PABPN1L: variants seen among roughly 807,000 people sequenced by gnomAD.
PABPN1L encodes the protein PABPN1 like, cytoplasmic.
A neutral mutation model predicts 34.0 loss-of-function variants in PABPN1L; 45 were observed. The observed-to-expected ratio is 1.32, with a 90% CI of 1.04 to 1.70. The LOEUF (loss-of-function observed/expected upper bound fraction) is 1.70, where lower values mean the gene tolerates loss of function less well. Among genes scored for constraint, PABPN1L ranks in the 40% most tolerant of loss-of-function variants. PABPN1L has a pLI of 0.00. For synonymous variants in PABPN1L, 182 were observed against 152.1 expected (o/e 1.20, Z -1.45); for missense variants, 459 against 367.8 (o/e 1.25, Z -2.03).
intron 3 of PABPN1L, 48 bp downstream of exon 3, chr16:88,865,515 G>A (rs1567564269): frequency 1.3e-6 from 2 of 1,584,390 alleles, no homozygotes. Context: ...CTCTGGTAGA[G>A]ATGGGGCCCC....
At chr16:88,864,249 TGTG>T in exon 6 of PABPN1L, 3 of 1,535,608 alleles carry the variant, frequency 2.0e-6, no homozygotes, top group Non-Finnish European at 2.6e-6. Flanking sequence ...GTTCTGCCCT[TGTG>T]GTCTGAGCCG....
chr16:88,868,053 C>T (rs139383083), upstream of PABPN1L, among the ~76,000 whole-genome samples: 5 of 152,176 alleles, frequency 3.3e-5, no homozygotes, highest in Non-Finnish European at 7.4e-5. Flanking sequence ...CACTGCTGCA[C>T]CATGCACCAC....
At position 88,864,954 on chromosome 16, in the gene PABPN1L, C is replaced by CGGGG. The variant is rs1567563963; in HGVS notation, c.567-15_567-14insCCCC. 6 of 996,814 alleles carry CGGGG rather than the reference C, an allele frequency of 6.0e-6. No homozygotes were observed. In the East Asian group the frequency reaches 1.1e-4, roughly 18 times the overall value. 61.7% of individuals were successfully genotyped at this position (996,814 alleles called of 1,614,324 possible). On this transcript the variant is annotated splice_polypyrimidine_tract_variant and intron_variant, in intron 4 of 6. Coordinates refer to ENST00000419291, the Ensembl canonical transcript of PABPN1L. ...ATGTAGGCATAACTGAGGGGAGGGG[C>CGGGG]AGGGAGGGGAGGGGTGAGGCTGGGC...
chr16:88,864,434 A>C, intron 5 of PABPN1L, 55 bp from the exon 6 acceptor site: 1 of 1,507,330 alleles, frequency 6.6e-7, no homozygotes, highest in Non-Finnish European at 8.9e-7. Context: ...GACCCAGCTC[A>C]CAGCCCCCGC....
chr16:88,864,805 C>A (rs1265125634), intron 5 of PABPN1L, 48 bp downstream of exon 5: 1 of 1,526,106 alleles, frequency 6.6e-7, no homozygotes, highest in South Asian at 1.2e-5. Flanking sequence ...GGCCAGTGGG[C>A]CAGCCCCTCT....
At chr16:88,867,030 T>G (rs1251508999), upstream of PABPN1L, among the ~76,000 whole-genome samples, 1 of 152,096 alleles carries the variant, frequency 6.6e-6, no homozygotes, top group African/African-American at 2.4e-5. Context: ...CCAAGCAGGC[T>G]GGAGAGGTGG....
intron 1 of PABPN1L, 139 bp from the exon 2 acceptor site, chr16:88,866,080 G>A: frequency 2.9e-6 from 4 of 1,366,596 alleles, no homozygotes; most frequent in Non-Finnish European, 2.9e-6. Flanking sequence ...CTCCTTCCTG[G>A]GGCAGCTGGC....
At chr16:88,866,027 A>C in intron 1 of PABPN1L, 86 bp from the exon 2 acceptor site, 2 of 1,468,400 alleles carry the variant, frequency 1.4e-6, no homozygotes, top group Non-Finnish European at 1.8e-6. Flanking sequence ...GCTCCAGCAG[A>C]GGGTCACAGC....
At position 88,865,945 on chromosome 16, in the gene PABPN1L, C is replaced by T. The variant is rs759387263; in HGVS notation, c.256-4G>A. ...TCATCTTGATGGCCTCCAGCTCCTG[C>T]CGACACACGGCCCTGAGCCGGGCAG... On this transcript the variant is annotated splice_region_variant and splice_polypyrimidine_tract_variant and intron_variant, in intron 1 of 6. Coordinates refer to ENST00000419291, the Ensembl canonical transcript of PABPN1L. 6.7e-5 allele frequency: 108 copies of T among 1,604,972 alleles called. No homozygotes were observed. The Middle Eastern group carries it at 3.0e-3, about 44-fold the overall frequency.
upstream of PABPN1L, among the ~76,000 whole-genome samples, chr16:88,868,002 G>C (rs999131593): frequency 6.6e-6 from 1 of 152,328 alleles, no homozygotes; most frequent in Middle Eastern, 3.4e-3. Context: ...TTTGGGACTG[G>C]GGGAGGAGAG....
exon 6 of PABPN1L, chr16:88,864,333 C>T (rs1273745653): frequency 1.5e-5 from 23 of 1,555,404 alleles, no homozygotes; most frequent in South Asian, 1.1e-4. Context: ...AAGGCCCCCG[C>T]GGTCTGTGGA....
intron 5 of PABPN1L, 73 bp downstream of exon 5, chr16:88,864,780 T>C (rs1968546900): frequency 1.4e-6 from 2 of 1,444,932 alleles, no homozygotes; most frequent in Non-Finnish European, 1.9e-6. Context: ...CAGCTGGGGC[T>C]GCTGTGTGTC....
upstream of PABPN1L, among the ~76,000 whole-genome samples, chr16:88,869,539 C>A (rs1022831383): frequency 3.9e-5 from 6 of 152,320 alleles, no homozygotes; most frequent in Middle Eastern, 3.4e-3. Flanking sequence ...GCGCCCACAT[C>A]TGCACCGAGG....
chr16:88,866,701 T>C, upstream of PABPN1L: 2 of 1,421,106 alleles, frequency 1.4e-6, no homozygotes, highest in Admixed American at 2.8e-5. Flanking sequence ...TTTTAAGCCC[T>C]CCCCTGAGGC....
chr16:88,865,947 G>A lies in PABPN1L; in HGVS notation c.256-6C>T, dbSNP rs752427749. 27 of 1,604,454 alleles carry A rather than the reference G, an allele frequency of 1.7e-5. No homozygotes were observed. In the African/African-American group the frequency reaches 1.9e-4, roughly 11 times the overall value. On this transcript the variant is annotated splice_region_variant and splice_polypyrimidine_tract_variant and intron_variant, in intron 1 of 6. Coordinates refer to ENST00000419291, the Ensembl canonical transcript of PABPN1L. Reference sequence around the variant, plus strand: ...ATCTTGATGGCCTCCAGCTCCTGCCGACACACGGCCCTGAGCCGGGCAGGC... The same window carrying A: ...ATCTTGATGGCCTCCAGCTCCTGCCAACACACGGCCCTGAGCCGGGCAGGC...
chr16:88,863,818 C>T (rs959264085), intron 6 of PABPN1L, 23 bp from the exon 7 acceptor site: 4 of 1,533,934 alleles, frequency 2.6e-6, no homozygotes, highest in Non-Finnish European at 3.5e-6. Context: ...AGAACACACA[C>T]TGAGTGGCCT....
upstream of PABPN1L, among the ~76,000 whole-genome samples, chr16:88,868,498 T>C (rs8047407): frequency 0.034 from 5,091 of 151,886 alleles, 291 homozygotes; most frequent in African/African-American, 0.12. Flanking sequence ...CCCAGATACT[T>C]GGGAGGCTGA....
At chr16:88,867,683 A>C (rs1484264770), upstream of PABPN1L, among the ~76,000 whole-genome samples, 1 of 152,144 alleles carries the variant, frequency 6.6e-6, no homozygotes, top group Non-Finnish European at 1.5e-5. Flanking sequence ...TTCAGTGGGC[A>C]TCCGGTGGTG....
chr16:88,869,825 C>T (rs746853852), upstream of PABPN1L, among the ~76,000 whole-genome samples: 2 of 152,254 alleles, frequency 1.3e-5, no homozygotes, highest in Non-Finnish European at 2.9e-5. Flanking sequence ...CAAGGCCCGG[C>T]CAGGGCTCCT....
Sources: gnomAD v4.1 joint callset for allele counts (sites outside exome capture counted in the v4.1 genomes callset) on GRCh38, gnomAD v4.1.1 for gene constraint, MANE v1.5 for transcripts, NCBI Gene and HGNC (gene_info 2026-07-23, HGNC 2026-07-21) for gene names.